The following ARHGAP24 variants were observed in gnomAD, a reference collection of about 807,000 sequenced individuals.
ARHGAP24 encodes rho GTPase-activating protein 24.
ARHGAP24 carries 50 observed loss-of-function variants against 76.4 expected under a neutral mutation model. The observed-to-expected ratio is 0.65, with a 90% CI of 0.52 to 0.83. The LOEUF (loss-of-function observed/expected upper bound fraction) is 0.83. ARHGAP24 is among the 40% of genes least tolerant of loss of function. ARHGAP24 has a pLI of 0.00. For missense variants in ARHGAP24, 930 were observed against 914.2 expected, an observed-to-expected ratio of 1.02 and a Z score of -0.22; for synonymous variants, 345 against 323.3, an observed-to-expected ratio of 1.07 and a Z score of -0.72.
At chr4:85,532,885 C>A (rs993640649) in intron 1 of ARHGAP24, among the ~76,000 whole-genome samples, 7 of 149,550 alleles carry the variant, frequency 4.7e-5, no homozygotes, top group Non-Finnish European at 8.8e-5. Context: ...TTCCTTAGTT[C>A]ATTCTATTCA....
chr4:85,944,646 G>A (rs566486893), intron 5 of ARHGAP24, among the ~76,000 whole-genome samples: 12 of 152,094 alleles, frequency 7.9e-5, no homozygotes, highest in African/African-American at 2.9e-4. Flanking sequence ...TTTGTCTGGG[G>A]CCTCTTTTTT....
chr4:85,798,840 C>A lies in ARHGAP24; in HGVS notation c.268+76868C>A, dbSNP rs1728468470. Among the ~76,000 whole-genome samples, 4 of 151,480 alleles carry A rather than the reference C, an allele frequency of 2.6e-5. No individual in the cohort carries two copies. In the South Asian group the frequency reaches 8.4e-4, roughly 32 times the overall value. On this transcript the variant is annotated intron_variant, in intron 3 of 9. Transcript: ENST00000395184. ...TTTTAATTTTTTGATTTTTTCATAG[C>A]AAACAAAAAAGTATTAATAATTAGC...
intron 1 of ARHGAP24, among the ~76,000 whole-genome samples, chr4:85,547,684 C>T (rs975109121): frequency 6.6e-6 from 1 of 152,182 alleles, no homozygotes; most frequent in Non-Finnish European, 1.5e-5. Context: ...AATCCGCCCA[C>T]CTCAGCCTCC....
chr4:85,885,070 T>G (rs1437638739), intron 3 of ARHGAP24, among the ~76,000 whole-genome samples: 2 of 152,314 alleles, frequency 1.3e-5, no homozygotes, highest in East Asian at 3.9e-4. Context: ...AGTTTTCTTA[T>G]TGAAGGCATA....
chr4:85,920,678 A>G (rs979956013), intron 3 of ARHGAP24, among the ~76,000 whole-genome samples: 1 of 152,202 alleles, frequency 6.6e-6, no homozygotes, highest in East Asian at 1.9e-4. Flanking sequence ...CAAATTCACA[A>G]GAAAAAAACA....
At chr4:85,536,012 C>T (rs1359395435) in intron 1 of ARHGAP24, among the ~76,000 whole-genome samples, 3 of 152,058 alleles carry the variant, frequency 2.0e-5, no homozygotes, top group East Asian at 1.9e-4. Context: ...TAGTTTACAT[C>T]GCTGGTGTTT....
At position 86,000,471 on chromosome 4, in the gene ARHGAP24, C is replaced by G; in HGVS notation, c.2004-8C>G. ...CCCACCCCCCACCCCCCCCAACATC[C>G]TTTGTAGCTTAGAACAGCGAAACTT... On this transcript the variant is annotated splice_region_variant and splice_polypyrimidine_tract_variant and intron_variant, in intron 9 of 9. Transcript: ENST00000395184. The G allele has an allele frequency of 8.8e-7, 1 of 1,140,832 alleles. No homozygotes were observed. Among genetic ancestry groups the G allele is most frequent in the Non-Finnish European group, 1.2e-6 (1 of 811,960 alleles). 70.7% of individuals were successfully genotyped at this position (1,140,832 alleles called of 1,614,324 possible). A position where few individuals can be genotyped will look rare whatever the true frequency, so the allele number is the denominator to read the frequency against.
At chr4:85,475,971 G>C (rs1209128841) in intron 1 of ARHGAP24, among the ~76,000 whole-genome samples, 2 of 150,998 alleles carry the variant, frequency 1.3e-5, no homozygotes, top group African/African-American at 2.4e-5. Context: ...CTATGTAACA[G>C]GCGCACAAAG....
At chr4:85,882,096 A>C (rs1469778914) in intron 3 of ARHGAP24, among the ~76,000 whole-genome samples, 2 of 152,182 alleles carry the variant, frequency 1.3e-5, no homozygotes, top group Non-Finnish European at 2.9e-5. Flanking sequence ...TATTCAATGA[A>C]GTTCTTAGTT....
At chr4:85,555,070 C>A (rs1726304480) in intron 1 of ARHGAP24, among the ~76,000 whole-genome samples, 1 of 152,190 alleles carries the variant, frequency 6.6e-6, no homozygotes, top group Non-Finnish European at 1.5e-5. Context: ...TTTTGACTTT[C>A]TCCTGAATCT....
At chr4:85,530,744 A>G (rs1039811975) in intron 1 of ARHGAP24, among the ~76,000 whole-genome samples, 13 of 152,026 alleles carry the variant, frequency 8.6e-5, no homozygotes, top group Admixed American at 8.5e-4. Flanking sequence ...CAGAATATCT[A>G]GTTTTTTCTG....
chr4:85,582,633 C>T (rs1014360865), intron 2 of ARHGAP24, among the ~76,000 whole-genome samples: 33 of 152,124 alleles, frequency 2.2e-4, no homozygotes, highest in African/African-American at 7.7e-4. Context: ...GAGACTGTAA[C>T]ACTCTTTATG....
chr4:85,901,042 A>G (rs1156845867), intron 3 of ARHGAP24, among the ~76,000 whole-genome samples: 2 of 152,208 alleles, frequency 1.3e-5, no homozygotes, highest in African/African-American at 4.8e-5. Context: ...AGTGATACAT[A>G]CATAACATAG....
At chr4:85,860,194 A>G (rs1324846245) in intron 3 of ARHGAP24, among the ~76,000 whole-genome samples, 1 of 152,124 alleles carries the variant, frequency 6.6e-6, no homozygotes, top group African/African-American at 2.4e-5. Flanking sequence ...TAGGCATGGA[A>G]GATGAATTAC....
chr4:85,992,061 T>C, intron 8 of ARHGAP24: 3 of 397,044 alleles, frequency 7.6e-6, no homozygotes, highest in Non-Finnish European at 1.3e-5. Context: ...CTGGATCGTG[T>C]AGCACAGTGG....
At chr4:85,728,601 T>C (rs1233886039) in intron 3 of ARHGAP24, among the ~76,000 whole-genome samples, 1 of 152,198 alleles carries the variant, frequency 6.6e-6, no homozygotes, top group Non-Finnish European at 1.5e-5. Context: ...ACAGAAGAAC[T>C]TTTCCTGGAT....
intron 2 of ARHGAP24, among the ~76,000 whole-genome samples, chr4:85,664,574 T>C (rs947537216): frequency 1.3e-5 from 2 of 150,798 alleles, no homozygotes; most frequent in Non-Finnish European, 1.5e-5. Flanking sequence ...GTGTTTGCTC[T>C]TGCTTTTCTA....
intron 2 of ARHGAP24, among the ~76,000 whole-genome samples, chr4:85,689,424 T>C (rs112216694): frequency 0.042 from 6,393 of 152,230 alleles, 428 homozygotes; most frequent in African/African-American, 0.15. Context: ...TCTTGCTCTG[T>C]CACCCAGGCT....
intron 3 of ARHGAP24, among the ~76,000 whole-genome samples, chr4:85,913,396 C>T (rs1215133743): frequency 6.6e-6 from 1 of 151,786 alleles, no homozygotes; most frequent in Non-Finnish European, 1.5e-5. Context: ...TATATTCACA[C>T]ACTTTTCATC....
Sources: allele counts gnomAD v4.1 joint callset (sites outside exome capture counted in the v4.1 genomes callset), GRCh38; gene constraint gnomAD v4.1.1; transcripts MANE v1.5; gene names NCBI Gene and HGNC (gene_info 2026-07-23, HGNC 2026-07-21).